RTN1: variants seen among roughly 807,000 people sequenced by gnomAD.
RTN1 encodes reticulon-1.
Under a neutral mutation model 65.5 loss-of-function variants are expected in RTN1, and 25 were observed. The observed-to-expected ratio is 0.38, with a 90% confidence interval of 0.28 to 0.53. RTN1 has a LOEUF of 0.53. Among genes scored for constraint, RTN1 ranks in the 20% least tolerant of loss-of-function variants. The probability of loss-of-function intolerance (pLI) is 0.79; values close to 1 mark genes in which losing one functional copy is unlikely to be tolerated. For missense variants in RTN1, 983 were observed against 1,025.4 expected, an observed-to-expected ratio of 0.96 and a Z score of 0.57; for synonymous variants, 471 against 447.6, an observed-to-expected ratio of 1.05 and a Z score of -0.66.
At chr14:59,661,417 C>T (rs1369297245) in intron 3 of RTN1, among the ~76,000 whole-genome samples, 1 of 152,106 alleles carries the variant, frequency 6.6e-6, no homozygotes, top group Non-Finnish European at 1.5e-5. Context: ...TAGCATCATC[C>T]TGATAACAAA....
chr14:59,615,468 A>G (rs1882076891), intron 3 of RTN1, among the ~76,000 whole-genome samples: 1 of 152,108 alleles, frequency 6.6e-6, no homozygotes, highest in African/African-American at 2.4e-5. Flanking sequence ...CAAAACAACA[A>G]CAACAACAAA....
intron 1 of RTN1, among the ~76,000 whole-genome samples, chr14:59,759,429 A>G (rs1173560643): frequency 6.6e-6 from 1 of 152,164 alleles, no homozygotes; most frequent in Non-Finnish European, 1.5e-5. Flanking sequence ...TTATAATAAT[A>G]GCCATTTCAA....
intron 1 of RTN1, among the ~76,000 whole-genome samples, chr14:59,765,114 T>A (rs192667196): frequency 1.1e-4 from 17 of 151,404 alleles, no homozygotes; most frequent in African/African-American, 3.9e-4. Context: ...TGTGTTAAAC[T>A]GGAAGAATTA....
chr14:59,751,718 T>C lies in RTN1; in HGVS notation c.242-5237A>G, dbSNP rs542793470. On this transcript the variant is annotated intron_variant, in intron 1 of 8. Coordinates refer to ENST00000267484, the MANE Select transcript of RTN1 (RefSeq NM_021136.3). ...ACTGCAAAGGCCACCACAGGGCTCC[T>C]GGCCCTGATTACCTATACTTGGCAA... Among the ~76,000 whole-genome samples the C allele has an allele frequency of 7.2e-5, 11 of 152,320 alleles. 1 individual carries two copies. The highest frequency in any genetic ancestry group is 2.0e-4 in the Admixed American group (3 of 15,288).
chr14:59,763,361 C>A (rs1262974562), intron 1 of RTN1, among the ~76,000 whole-genome samples: 2 of 152,016 alleles, frequency 1.3e-5, no homozygotes, highest in Admixed American at 1.3e-4. Context: ...TGTTGATGAG[C>A]CAGAGTTTGG....
intron 1 of RTN1, among the ~76,000 whole-genome samples, chr14:59,804,603 T>C (rs79844786): frequency 0.012 from 1,834 of 152,270 alleles, 34 homozygotes; most frequent in African/African-American, 0.041. Flanking sequence ...ACTGAGGGCA[T>C]GAAAGATTGT....
chr14:59,693,174 T>C (rs1002612071), intron 3 of RTN1, among the ~76,000 whole-genome samples: 2 of 152,158 alleles, frequency 1.3e-5, no homozygotes, highest in Non-Finnish European at 2.9e-5. Flanking sequence ...ATTTCAGTTG[T>C]TTGTAAGCCA....
At chr14:59,608,908 T>TA (rs1344298608) in intron 3 of RTN1, among the ~76,000 whole-genome samples, 1 of 151,196 alleles carries the variant, frequency 6.6e-6, no homozygotes, top group Non-Finnish European at 1.5e-5. Context: ...GAGGCAAAAA[T>TA]AAAAAATAAA....
Position 59,870,580 on chromosome 14 carries a change from G to C in RTN1, c.51C>G (p.Pro17=), listed in dbSNP as rs1887884247. The C allele has an allele frequency of 1.4e-6, 2 of 1,448,202 alleles. No homozygotes were observed. Among genetic ancestry groups the C allele is most frequent in the African/African-American group, 1.5e-5 (1 of 67,690 alleles). 89.7% of individuals were successfully genotyped at this position (1,448,202 alleles called of 1,614,324 possible). The change falls in exon 1 of 9, where the codon CCC becomes CCG. Residue 17 remains proline (P), a synonymous_variant. Coordinates refer to ENST00000267484, the MANE Select transcript of RTN1 (RefSeq NM_021136.3). The surrounding 1 kb of genome is among the most constrained non-coding windows in gnomAD (Gnocchi z 5.1). The stretch of plus-strand genomic sequence containing the variant: ...CCCGGTGCCTGAGCCACTGGGACCC[G>C]GGGCCGGCCAGCGGCAGCAGCTCGT... ...PQDELLPLAG[P]GSQWLRHRGE...
intron 1 of RTN1, among the ~76,000 whole-genome samples, chr14:59,855,800 C>T (rs1393909518): frequency 2.6e-5 from 4 of 152,180 alleles, no homozygotes; most frequent in African/African-American, 7.2e-5. Flanking sequence ...GAATTAAGTG[C>T]CAAAGCCTTA....
At chr14:59,644,189 C>T (rs555791774) in intron 3 of RTN1, among the ~76,000 whole-genome samples, 40 of 152,156 alleles carry the variant, frequency 2.6e-4, no homozygotes, top group African/African-American at 2.9e-4. Context: ...ATAGAAGGGG[C>T]GAATAAATAC....
rs76760932 is a variant in RTN1 at position 59,727,271 on chromosome 14, G to A, written c.1413C>T (p.Cys471=). 447 of 1,508,184 alleles carry A rather than the reference G, an allele frequency of 3.0e-4. 1 individual carries two copies. Among genetic ancestry groups the A allele is most frequent in the Non-Finnish European group, 3.9e-4 (437 of 1,127,702 alleles). The allele number at this position is 1,508,184 out of a possible 1,614,324, so 93.4% of individuals were successfully genotyped here. Residue 471 remains cysteine, a synonymous_variant, in exon 3 of 9, where the codon TGC becomes TGT. Coordinates refer to ENST00000267484, the MANE Select transcript of RTN1 (RefSeq NM_021136.3). The surrounding 1 kb of genome is among the most constrained non-coding windows in gnomAD (Gnocchi z 4.2). ...ELDSELIIES[C]DASSASEESP... Reference sequence around the variant, plus strand: ...TCTCCTCCGAGGCCGAGGAGGCGTCGCACGACTCGATGATGAGCTCGCTGT... The same window carrying A: ...TCTCCTCCGAGGCCGAGGAGGCGTCACACGACTCGATGATGAGCTCGCTGT...
chr14:59,624,465 C>G (rs1300968707), intron 3 of RTN1, among the ~76,000 whole-genome samples: 3 of 142,016 alleles, frequency 2.1e-5, no homozygotes, highest in Non-Finnish European at 4.7e-5. Context: ...ATTTTCTTTT[C>G]TTTTTTTTTT....
chr14:59,663,553 G>A (rs563668845), intron 3 of RTN1, among the ~76,000 whole-genome samples: 1 of 151,970 alleles, frequency 6.6e-6, no homozygotes, highest in Non-Finnish European at 1.5e-5. Flanking sequence ...GCAATCTACA[G>A]AATAGGAGAA....
chr14:59,811,977 T>C (rs1265765236), intron 1 of RTN1, among the ~76,000 whole-genome samples: 8 of 152,100 alleles, frequency 5.3e-5, no homozygotes, highest in Non-Finnish European at 7.4e-5. Flanking sequence ...GGAGGGAAGG[T>C]TAGTGCCTTC....
intron 1 of RTN1, among the ~76,000 whole-genome samples, chr14:59,826,114 G>C (rs1887026372): frequency 1.3e-5 from 2 of 152,078 alleles, no homozygotes; most frequent in South Asian, 4.2e-4. Flanking sequence ...CAAGAAAAAA[G>C]AGAGAGAGAG....
At chr14:59,726,774 C>T in intron 3 of RTN1, 145 bp downstream of exon 3, 1 of 718,572 alleles carries the variant, frequency 1.4e-6, no homozygotes, top group Non-Finnish European at 2.3e-6. Flanking sequence ...CTCATCTCCT[C>T]CCATCCCCCC....
chr14:59,651,065 C>A (rs1173317633), intron 3 of RTN1, among the ~76,000 whole-genome samples: 1 of 151,964 alleles, frequency 6.6e-6, no homozygotes, highest in Non-Finnish European at 1.5e-5. Context: ...CAAAAAAGAA[C>A]CTGAAAAGCT....
Position 59,836,493 on chromosome 14 carries a change from G to A in RTN1, c.241+33897C>T, listed in dbSNP as rs758918512. 3.9e-5 allele frequency among the ~76,000 whole-genome samples: 6 copies of A among 152,084 alleles called. No homozygotes were observed. Among genetic ancestry groups the A allele is most frequent in the Admixed American group, 1.3e-4 (2 of 15,266 alleles). ...GTAAGTCATGCTTTTAAGAGGTTTT[G>A]GCTTTCTTGCTTTCATCTATGGATG... is the stretch of plus-strand genomic sequence containing the variant. On this transcript the variant is annotated intron_variant, in intron 1 of 8. Transcript: ENST00000267484. The surrounding 1 kb of genome is among the most constrained non-coding windows in gnomAD (Gnocchi z 4.9).
Sources: gnomAD v4.1 joint callset for allele counts (sites outside exome capture counted in the v4.1 genomes callset) on GRCh38, gnomAD v4.1.1 for gene constraint, Gnocchi (gnomAD v3.1) non-coding constraint, MANE v1.5 for transcripts, NCBI Gene and HGNC (gene_info 2026-07-23, HGNC 2026-07-21) for gene names.